The following SYN3 variants were observed in gnomAD, a reference collection of about 807,000 sequenced individuals.
The protein encoded by SYN3 is synapsin III.
In SYN3, 35 loss-of-function variants were observed where a neutral mutation model predicts 65.8. The ratio of observed to expected loss-of-function variants is 0.53; its 90% CI spans 0.41 to 0.70. SYN3 has a LOEUF of 0.70. SYN3 is among the 30% of genes least tolerant of loss of function. The pLI is 0.00. For synonymous variants in SYN3, 270 were observed against 292.9 expected (o/e 0.92, Z 0.80); for missense variants, 680 against 749.0 (o/e 0.91, Z 1.08).
intron 4 of SYN3, among the ~76,000 whole-genome samples, chr22:32,870,820 G>A (rs1343866538): frequency 2.6e-5 from 4 of 151,990 alleles, no homozygotes; most frequent in Non-Finnish European, 5.9e-5. Context: ...TTTCTTTCCT[G>A]TAAAAGTCTG....
intron 12 of SYN3, chr22:32,518,538 C>T (rs2057820216): frequency 1.4e-6 from 1 of 721,044 alleles, no homozygotes; most frequent in Non-Finnish European, 2.5e-6. Context: ...CTGTGGTCAT[C>T]ACATAGGATG....
At chr22:32,664,071 C>A (rs1228789651) in intron 6 of SYN3, among the ~76,000 whole-genome samples, 2 of 152,122 alleles carry the variant, frequency 1.3e-5, no homozygotes, top group East Asian at 3.9e-4. Context: ...CTCTGCTCAC[C>A]ACCCATCATA....
At chr22:32,556,124 C>T (rs983594575) in intron 7 of SYN3, among the ~76,000 whole-genome samples, 11 of 152,020 alleles carry the variant, frequency 7.2e-5, no homozygotes, top group African/African-American at 2.7e-4. Flanking sequence ...TTCTTAAGGC[C>T]AAAGAAGTAC....
intron 6 of SYN3, among the ~76,000 whole-genome samples, chr22:32,740,472 T>C (rs537553178): frequency 3.9e-5 from 6 of 151,924 alleles, no homozygotes; most frequent in African/African-American, 9.7e-5. Flanking sequence ...GTGTAGGAGA[T>C]TGCCAATCAG....
chr22:32,975,002 C>T (rs1360251601), intron 3 of SYN3, among the ~76,000 whole-genome samples: 1 of 152,254 alleles, frequency 6.6e-6, no homozygotes, highest in Non-Finnish European at 1.5e-5. Flanking sequence ...ACCCCTACAC[C>T]GCATTTCCTC....
intron 3 of SYN3, among the ~76,000 whole-genome samples, chr22:32,943,608 A>C (rs1030061112): frequency 8.5e-5 from 13 of 152,210 alleles, no homozygotes; most frequent in Admixed American, 2.6e-4. Context: ...TATTAACCTT[A>C]AATGTAAATG....
chr22:32,875,054 A>G (rs2048948225), intron 4 of SYN3, among the ~76,000 whole-genome samples: 1 of 152,212 alleles, frequency 6.6e-6, no homozygotes. Flanking sequence ...AATCGCCCAT[A>G]TGGAAGGACT....
chr22:32,563,215 G>A (rs2058612378), intron 7 of SYN3, among the ~76,000 whole-genome samples: 2 of 152,224 alleles, frequency 1.3e-5, no homozygotes, highest in Admixed American at 6.5e-5. Context: ...AAGTTCTCCA[G>A]GCAGGGCCTG....
chr22:32,716,122 T>A (rs1177716617), intron 6 of SYN3, among the ~76,000 whole-genome samples: 1 of 152,158 alleles, frequency 6.6e-6, no homozygotes, highest in African/African-American at 2.4e-5. Context: ...GAGGCTGTGT[T>A]TGGTGATCCT....
At chr22:32,709,282 A>G (rs747070148) in intron 6 of SYN3, among the ~76,000 whole-genome samples, 2 of 152,194 alleles carry the variant, frequency 1.3e-5, no homozygotes, top group Non-Finnish European at 2.9e-5. Context: ...CTGAGGAACA[A>G]CTTGAACGGC....
intron 4 of SYN3, among the ~76,000 whole-genome samples, chr22:32,930,173 T>C (rs544408992): frequency 2.8e-4 from 43 of 152,288 alleles, no homozygotes; most frequent in African/African-American, 1.0e-3. Context: ...AATCTTATCT[T>C]GAATTGTAGC....
At chr22:32,969,175 C>T (rs545507301) in intron 3 of SYN3, among the ~76,000 whole-genome samples, 2 of 152,196 alleles carry the variant, frequency 1.3e-5, no homozygotes, top group Non-Finnish European at 2.9e-5. Context: ...AGGATGGACT[C>T]CCTTTGACTC....
chr22:32,799,685 T>A (rs1182146031), intron 6 of SYN3, among the ~76,000 whole-genome samples: 1 of 152,178 alleles, frequency 6.6e-6, no homozygotes, highest in Non-Finnish European at 1.5e-5. Context: ...GATAAGCGAA[T>A]CTCTCAAATT....
intron 12 of SYN3, among the ~76,000 whole-genome samples, chr22:32,525,429 C>T (rs1048333404): frequency 1.3e-5 from 2 of 151,176 alleles, no homozygotes; most frequent in Non-Finnish European, 1.5e-5. Context: ...ATGAAGGGGC[C>T]GGGCGCAGTG....
At chr22:32,924,542 C>T (rs1043792010) in intron 4 of SYN3, among the ~76,000 whole-genome samples, 7 of 152,280 alleles carry the variant, frequency 4.6e-5, no homozygotes, top group African/African-American at 1.4e-4. Flanking sequence ...TCAAACTGAA[C>T]CTGCAAGACC....
intron 8 of SYN3, among the ~76,000 whole-genome samples, chr22:32,540,050 C>T (rs138253047): frequency 1.3e-5 from 2 of 152,258 alleles, no homozygotes; most frequent in African/African-American, 4.8e-5. Flanking sequence ...GAGCTCCATC[C>T]CTTTCCTGGG....
chr22:32,843,471 C>A (rs1002387225), intron 6 of SYN3, among the ~76,000 whole-genome samples: 1 of 152,218 alleles, frequency 6.6e-6, no homozygotes, highest in African/African-American at 2.4e-5. Flanking sequence ...TCCAGGCCGA[C>A]CTCCCTGTGG....
At chr22:32,515,597 A>T (rs1472697867) in intron 13 of SYN3, among the ~76,000 whole-genome samples, 1 of 152,190 alleles carries the variant, frequency 6.6e-6, no homozygotes, top group African/African-American at 2.4e-5. Context: ...CTTTGATCTA[A>T]CAATATCATG....
intron 4 of SYN3, among the ~76,000 whole-genome samples, chr22:32,886,059 G>A (rs542403222): frequency 1.3e-4 from 20 of 152,284 alleles, no homozygotes; most frequent in Middle Eastern, 3.4e-3. Flanking sequence ...CACACCTTCC[G>A]AAACCTTTAT....
Sources: allele counts gnomAD v4.1 joint callset (sites outside exome capture counted in the v4.1 genomes callset), GRCh38; gene constraint gnomAD v4.1.1; transcripts MANE v1.5; gene names NCBI Gene and HGNC (gene_info 2026-07-23, HGNC 2026-07-21).